Variants in CDH13 observed in about 807,000 individuals in gnomAD.
CDH13 encodes cadherin 13.
A neutral mutation model predicts 63.8 loss-of-function variants in CDH13; 24 were observed. The ratio of observed to expected loss-of-function variants is 0.38; its 90% CI spans 0.27 to 0.53. CDH13 has a LOEUF of 0.53. CDH13 is among the 20% of genes least tolerant of loss of function. The pLI, the probability that CDH13 is intolerant of heterozygous loss-of-function variation, is 0.85. For missense variants in CDH13, 1,049 were observed against 903.1 expected, an observed-to-expected ratio of 1.16 and a Z score of -2.07; for synonymous variants, 503 against 355.3, an observed-to-expected ratio of 1.42 and a Z score of -4.67.
intron 11 of CDH13, among the ~76,000 whole-genome samples, chr16:83,753,223 C>T: frequency 6.6e-6 from 1 of 152,104 alleles, no homozygotes; most frequent in East Asian, 1.9e-4. Flanking sequence ...TATGTTTAAC[C>T]CGGAAAAGCC....
At chr16:82,842,727 T>C (rs556296727) in intron 1 of CDH13, among the ~76,000 whole-genome samples, 4 of 152,070 alleles carry the variant, frequency 2.6e-5, no homozygotes, top group African/African-American at 9.7e-5. Flanking sequence ...TATTACCTTA[T>C]ATAATGAAAT....
At chr16:82,751,657 A>G (rs1419702527) in intron 1 of CDH13, among the ~76,000 whole-genome samples, 1 of 152,066 alleles carries the variant, frequency 6.6e-6, no homozygotes, top group African/African-American at 2.4e-5. Flanking sequence ...TAAATAGCAA[A>G]TAAAAAACAC....
chr16:83,284,760 A>T (rs922746110), intron 5 of CDH13, among the ~76,000 whole-genome samples: 1 of 152,142 alleles, frequency 6.6e-6, no homozygotes, highest in African/African-American at 2.4e-5. Flanking sequence ...AATGATAGAT[A>T]TAAAATAGTG....
At chr16:82,936,428 T>C in intron 2 of CDH13, among the ~76,000 whole-genome samples, 1 of 152,076 alleles carries the variant, frequency 6.6e-6, no homozygotes, top group African/African-American at 2.4e-5. Context: ...TGCCTGATGA[T>C]CTGAGGTAGA....
At chr16:82,636,555 C>G (rs1475438386) in intron 1 of CDH13, among the ~76,000 whole-genome samples, 3 of 152,236 alleles carry the variant, frequency 2.0e-5, no homozygotes, top group African/African-American at 7.2e-5. Flanking sequence ...GGAAATATGT[C>G]TTACATGAAG....
intron 6 of CDH13, among the ~76,000 whole-genome samples, chr16:83,452,862 G>C (rs2072921614): frequency 6.6e-6 from 1 of 152,164 alleles, no homozygotes; most frequent in African/African-American, 2.4e-5. Flanking sequence ...ATTAGTCTCA[G>C]TCAGTTTCCC....
intron 5 of CDH13, among the ~76,000 whole-genome samples, chr16:83,326,524 A>G (rs1044213821): frequency 6.6e-6 from 1 of 152,048 alleles, no homozygotes; most frequent in East Asian, 1.9e-4. Flanking sequence ...TGGCAGGACT[A>G]TATAGTTCAA....
At chr16:82,886,724 T>G (rs2040900371) in intron 2 of CDH13, among the ~76,000 whole-genome samples, 1 of 152,146 alleles carries the variant, frequency 6.6e-6, no homozygotes, top group African/African-American at 2.4e-5. Context: ...TCTCTGTGAT[T>G]CCTTAGAGCT....
intron 2 of CDH13, among the ~76,000 whole-genome samples, chr16:82,921,753 T>C (rs553890018): frequency 2.4e-4 from 36 of 152,310 alleles, no homozygotes; most frequent in East Asian, 5.8e-4. Context: ...AATGTAATAG[T>C]GGCCTCATAG....
At chr16:82,929,651 C>CAAAAAAAAAAAAAAAAAAAAAAAAAAAA (rs71146097) in intron 2 of CDH13, among the ~76,000 whole-genome samples, 1 of 44,272 alleles carries the variant, frequency 2.3e-5, no homozygotes, top group African/African-American at 1.4e-4. Context: ...GACTCCATCT[C>CAAAAAAAAAAAAAAAAAAAAAAAAAAAA]AAAAAAAAAA....
At chr16:82,785,126 G>C (rs2035943570) in intron 1 of CDH13, among the ~76,000 whole-genome samples, 1 of 152,176 alleles carries the variant, frequency 6.6e-6, no homozygotes, top group Non-Finnish European at 1.5e-5. Flanking sequence ...CAGTCTTTCA[G>C]GGGAGAGACG....
intron 3 of CDH13, among the ~76,000 whole-genome samples, chr16:83,085,068 T>C (rs544467357): frequency 6.6e-6 from 1 of 152,268 alleles, no homozygotes; most frequent in Admixed American, 6.5e-5. Context: ...TTTCCCCTTA[T>C]ATTGGTCTGT....
At position 83,077,186 on chromosome 16, in the gene CDH13, C is replaced by CTTTTTTTTTTTTTTTTTTTTTTTTTT. The variant is rs34536219; in HGVS notation, c.366+44992_366+44993insTTTTTTTTTTTTTTTTTTTTTTTTTT. On this transcript the variant is annotated intron_variant, in intron 3 of 13. Transcript: ENST00000567109. ...TCTTTTCTTTTCTTTTTTTTCTTTTCTTTTTTTTTTTTTTTTTTTTTTTTG... is the reference window on the plus strand; with the variant it reads ...TCTTTTCTTTTCTTTTTTTTCTTTTCTTTTTTTTTTTTTTTTTTTTTTTTTTTTTTTTTTTTTTTTTTTTTTTTTTG... 6.1e-4 allele frequency among the ~76,000 whole-genome samples: 36 copies of CTTTTTTTTTTTTTTTTTTTTTTTTTT among 59,168 alleles called. 6 individuals carry two copies. The highest frequency in any genetic ancestry group is 9.5e-4 in the African/African-American group (14 of 14,776). 38.8% of individuals were successfully genotyped at this position (59,168 alleles called of 152,430 possible). A position where few individuals can be genotyped will look rare whatever the true frequency, so the allele number is the denominator to read the frequency against.
chr16:82,700,461 T>A (rs572836088), intron 1 of CDH13, among the ~76,000 whole-genome samples: 1 of 152,300 alleles, frequency 6.6e-6, no homozygotes, highest in African/African-American at 2.4e-5. Flanking sequence ...TTAGCTTGTA[T>A]TTTCAAATAA....
intron 1 of CDH13, among the ~76,000 whole-genome samples, chr16:82,842,720 T>G (rs72807826): frequency 0.18 from 18,119 of 102,832 alleles, 1,241 homozygotes; most frequent in Non-Finnish European, 0.27. Context: ...CTATTATTAT[T>G]ACCTTATATA....
chr16:83,023,192 T>C (rs1371173045), intron 2 of CDH13: 5 of 152,206 alleles, frequency 3.3e-5, no homozygotes, highest in African/African-American at 9.6e-5. Flanking sequence ...GACATTTGCA[T>C]TAAGCCCAGG....
intron 1 of CDH13, among the ~76,000 whole-genome samples, chr16:82,827,322 G>A (rs2038302633): frequency 1.3e-5 from 2 of 152,110 alleles, no homozygotes; most frequent in African/African-American, 4.8e-5. Context: ...CCATAAGAGG[G>A]ATTTAGGTAC....
At chr16:83,085,311 G>A (rs772442230) in intron 3 of CDH13, among the ~76,000 whole-genome samples, 37 of 152,110 alleles carry the variant, frequency 2.4e-4, no homozygotes, top group Non-Finnish European at 5.3e-4. Context: ...GGAAAGACCA[G>A]CCCCCAGGAT....
At chr16:82,984,383 A>T (rs936764612) in intron 2 of CDH13, among the ~76,000 whole-genome samples, 1 of 152,216 alleles carries the variant, frequency 6.6e-6, no homozygotes, top group African/African-American at 2.4e-5. Flanking sequence ...TGTACCTCCG[A>T]ATCTGGCAGG....
Sources: allele counts gnomAD v4.1 joint callset (sites outside exome capture counted in the v4.1 genomes callset), GRCh38; gene constraint gnomAD v4.1.1; transcripts MANE v1.5; gene names NCBI Gene and HGNC (gene_info 2026-07-23, HGNC 2026-07-21).